SLC29A3: variants seen among roughly 807,000 people sequenced by gnomAD.
SLC29A3 encodes the protein solute carrier family 29 member 3.
SLC29A3 carries 18 observed loss-of-function variants against 25.4 expected under a neutral mutation model. The ratio of observed to expected loss-of-function variants is 0.71; its 90% CI spans 0.49 to 1.05. The LOEUF (loss-of-function observed/expected upper bound fraction) is 1.05. SLC29A3 is among the 50% of genes least tolerant of loss of function. SLC29A3 has a pLI of 0.00. For synonymous variants in SLC29A3, 258 were observed against 267.1 expected (o/e 0.97, Z 0.33); for missense variants, 586 against 609.0 (o/e 0.96, Z 0.40).
rs759622275 is a variant in SLC29A3, at chr10:71,356,108, C to G, written c.638C>G (p.Ala213Gly). 1 of 1,614,160 alleles carries G rather than the reference C, an allele frequency of 6.2e-7. No homozygotes were observed. Residue 213 changes from alanine to glycine, a missense_variant, in exon 5 of 6, where the codon GCC (alanine) becomes GGC (glycine). Transcript: ENST00000373189. Reference protein sequence around the residue: ...SGGAMGGTVSAVASLVDLAAS... With the variant: ...SGGAMGGTVSGVASLVDLAAS... ...GGAGCCATGGGCGGGACGGTCAGCG[C>G]CGTGGCCTCATTGGTGGACTTGGCT...
chr10:71,367,768 G>A (rs938289297), downstream of SLC29A3, among the ~76,000 whole-genome samples: 6 of 152,154 alleles, frequency 3.9e-5, no homozygotes, highest in South Asian at 6.2e-4. Context: ...GAACAGTTCC[G>A]GTGCTTGACT....
chr10:71,344,106 G>A, intron 2 of SLC29A3, 103 bp from the exon 3 acceptor site: 1 of 945,970 alleles, frequency 1.1e-6, no homozygotes, highest in South Asian at 1.3e-5. Context: ...TCTGAAGACA[G>A]TGGGGAGAAG....
chr10:71,323,108 C>G, intron 2 of SLC29A3, 54 bp downstream of exon 2: 4 of 1,598,182 alleles, frequency 2.5e-6, no homozygotes, highest in Middle Eastern at 2.2e-4. Flanking sequence ...GGCCTCATGC[C>G]TCACATGCAG....
intron 4 of SLC29A3, among the ~76,000 whole-genome samples, chr10:71,355,676 G>A (rs1051387811): frequency 2.0e-5 from 3 of 152,166 alleles, no homozygotes; most frequent in Non-Finnish European, 4.4e-5. Context: ...CGGGGGCAGA[G>A]AAGAGGAAAT....
At chr10:71,339,443 A>G (rs556117177) in intron 2 of SLC29A3, among the ~76,000 whole-genome samples, 5 of 152,326 alleles carry the variant, frequency 3.3e-5, no homozygotes, top group East Asian at 1.9e-4. Context: ...CAGGGAGCAC[A>G]GCTATCCCTC....
intron 3 of SLC29A3, among the ~76,000 whole-genome samples, chr10:71,375,533 T>G (rs983779720): frequency 5.3e-5 from 8 of 152,258 alleles, no homozygotes; most frequent in Admixed American, 6.5e-5. Flanking sequence ...TGTGGTTTCT[T>G]ACTTTCTATT....
chr10:71,330,571 G>A (rs925365272), intron 2 of SLC29A3, among the ~76,000 whole-genome samples: 3 of 152,250 alleles, frequency 2.0e-5, no homozygotes, highest in East Asian at 1.9e-4. Context: ...CCCACTGTGT[G>A]GGTTGGAGGC....
intron 5 of SLC29A3, among the ~76,000 whole-genome samples, chr10:71,360,379 G>T (rs996573886): frequency 2.0e-5 from 3 of 152,124 alleles, no homozygotes; most frequent in African/African-American, 7.2e-5. Context: ...CTAACCTCAA[G>T]TGACCCGCCC....
chr10:71,367,338 T>C (rs961142495), downstream of SLC29A3, among the ~76,000 whole-genome samples: 1 of 152,170 alleles, frequency 6.6e-6, no homozygotes, highest in African/African-American at 2.4e-5. Flanking sequence ...GACAGAGCTT[T>C]AGAGGTCAGG....
At chr10:71,336,802 A>G (rs1846265336) in intron 2 of SLC29A3, among the ~76,000 whole-genome samples, 2 of 151,920 alleles carry the variant, frequency 1.3e-5, no homozygotes. Context: ...GGGGAAGCTC[A>G]TTCCAGAAGA....
At chr10:71,370,317 G>A (rs1847201863) in intron 3 of SLC29A3, among the ~76,000 whole-genome samples, 1 of 152,192 alleles carries the variant, frequency 6.6e-6, no homozygotes, top group Non-Finnish European at 1.5e-5. Flanking sequence ...CATGCCTTCT[G>A]TTCCCAACTT....
chr10:71,369,229 A>C (rs1847192996), intron 3 of SLC29A3, among the ~76,000 whole-genome samples: 1 of 152,234 alleles, frequency 6.6e-6, no homozygotes, highest in Non-Finnish European at 1.5e-5. Context: ...TGTGAGGAAT[A>C]AATTTCTATT....
intron 2 of SLC29A3, among the ~76,000 whole-genome samples, chr10:71,341,465 G>A (rs1201416148): frequency 6.6e-6 from 1 of 152,168 alleles, no homozygotes; most frequent in East Asian, 1.9e-4. Flanking sequence ...CCCCTCATGG[G>A]TGAGCACACT....
chr10:71,346,333 C>T (rs937661622), intron 3 of SLC29A3, among the ~76,000 whole-genome samples: 5 of 152,168 alleles, frequency 3.3e-5, no homozygotes, highest in African/African-American at 1.2e-4. Context: ...GAGCTGGAAA[C>T]TGCTGTGACC....
Position 71,362,354 on chromosome 10 carries a change from C to G in SLC29A3, c.1174C>G (p.Leu392Val), listed in dbSNP as rs748622163. The G allele has an allele frequency of 4.7e-5, 76 of 1,614,082 alleles. No individual in the cohort carries two copies. The South Asian group carries it at 6.7e-4, about 14-fold the overall frequency. ...FVLLRTCLIP[L>V]FVLCNYQPRV... ...GCTCCTCCGGACCTGCCTCATCCCC[C>G]TCTTCGTGCTCTGTAACTACCAGCC... The change falls in exon 6 of 6, where the codon CTC becomes GTC. Residue 392 changes from leucine to valine, a missense_variant. Physicochemically the swap from Leu to Val is conservative, Grantham distance 32. Transcript: ENST00000373189.
At chr10:71,380,990 C>T (rs1847298650) in exon 5 of SLC29A3, 3 of 152,184 alleles carry the variant, frequency 2.0e-5, no homozygotes, top group Admixed American at 1.3e-4. Flanking sequence ...CAATGATCAA[C>T]TCGAGGTCAA....
Position 71,348,235 on chromosome 10 carries a change from C to T in SLC29A3, c.384-3327C>T, listed in dbSNP as rs763601186. Among the ~76,000 whole-genome samples the T allele has an allele frequency of 1.1e-4, 17 of 152,244 alleles. No individual in the cohort carries two copies. The East Asian group carries it at 1.2e-3, about 10-fold the overall frequency. ...ACAAGGCAGGGCTCTGCCTTTGCAG[C>T]GCGCCTCATCTTTCCAGCCTGGCCT... On this transcript the variant is annotated intron_variant, in intron 3 of 5. Transcript: ENST00000373189.
In SLC29A3 at chr10:71,319,268, G is replaced by T; in HGVS notation, c.-42G>T. 1 of 616,058 alleles carries T rather than the reference G, an allele frequency of 1.6e-6. No homozygotes were observed. The highest frequency in any genetic ancestry group is 2.6e-5 in the Admixed American group (1 of 39,026). 38.2% of individuals were successfully genotyped at this position (616,058 alleles called of 1,614,324 possible). ...GCCGCCTGCCAAGCCCAGTGGTCCTGGCCGTGCGCCGGAGGCAGCGGCGGC... is the reference window on the plus strand; with the variant it reads ...GCCGCCTGCCAAGCCCAGTGGTCCTTGCCGTGCGCCGGAGGCAGCGGCGGC... On this transcript the variant is annotated 5_prime_UTR_variant, in exon 1 of 6. Coordinates refer to ENST00000373189, the MANE Select transcript of SLC29A3 (RefSeq NM_018344.6).
In SLC29A3 at chr10:71,363,269, G is replaced by C; in HGVS notation, c.*661G>C. The C allele has an allele frequency of 2.2e-6, 1 of 454,060 alleles. No individual in the cohort carries two copies. The highest frequency in any genetic ancestry group is 1.6e-5 in the South Asian group (1 of 64,474). The allele number at this position is 454,060 out of a possible 1,614,324, so 28.1% of individuals were successfully genotyped here. A position where few individuals can be genotyped will look rare whatever the true frequency, so the allele number is the denominator to read the frequency against. ...CTGGCCTGGGTTTTCAAAAAAAGAG[G>C]GATCCTCATGACCTGGTGGTCTATG... On this transcript the variant is annotated 3_prime_UTR_variant, in exon 6 of 6. Coordinates refer to ENST00000373189, the MANE Select transcript of SLC29A3 (RefSeq NM_018344.6).
Sources: gnomAD v4.1 joint callset for allele counts (sites outside exome capture counted in the v4.1 genomes callset) on GRCh38, gnomAD v4.1.1 for gene constraint, MANE v1.5 for transcripts, NCBI Gene and HGNC (gene_info 2026-07-23, HGNC 2026-07-21) for gene names.